The following PRKCQ variants were observed in gnomAD, a reference collection of about 807,000 sequenced individuals.
The protein encoded by PRKCQ is protein kinase C theta, also known as protein kinase C theta type.
Under a neutral mutation model 91.2 loss-of-function variants are expected in PRKCQ, and 41 were observed. That is an observed-to-expected ratio of 0.45 (90% confidence interval 0.35 to 0.58). The LOEUF is 0.58. Among genes scored for constraint, PRKCQ ranks in the 20% least tolerant of loss-of-function variants. PRKCQ has a pLI of 0.00. For synonymous variants in PRKCQ, 307 were observed against 316.9 expected (o/e 0.97, Z 0.33); for missense variants, 673 against 896.5 (o/e 0.75, Z 3.18).
intron 15 of PRKCQ, among the ~76,000 whole-genome samples, chr10:6,443,139 A>G (rs998072712): frequency 3.3e-5 from 5 of 152,168 alleles, no homozygotes; most frequent in African/African-American, 1.2e-4. Context: ...TTCTGGCAAA[A>G]AAGGCTTTGT....
chr10:6,443,107 CT>C (rs1338102443), intron 15 of PRKCQ, among the ~76,000 whole-genome samples: 1 of 152,144 alleles, frequency 6.6e-6, no homozygotes, highest in Non-Finnish European at 1.5e-5. Context: ...TGAAAGATTC[CT>C]ATCCTTTCAC....
intron 15 of PRKCQ, among the ~76,000 whole-genome samples, chr10:6,447,566 G>A (rs1834384148): frequency 6.6e-6 from 1 of 152,166 alleles, no homozygotes. Context: ...TTAGCTCTCA[G>A]GAGGTGCAGC....
At position 6,442,079 on chromosome 10, in the gene PRKCQ, G is replaced by A. The variant is rs1343007540; in HGVS notation, c.1650C>T (p.Ile550=). The A allele has an allele frequency of 1.2e-5, 20 of 1,609,658 alleles. No homozygotes were observed. Among genetic ancestry groups the A allele is most frequent in the Non-Finnish European group, 1.7e-5 (20 of 1,176,416 alleles). ...AGTGGTTGTATTTCTGACCCAGCAAGATCTGCACAACCAAAAGGCAGACAG... is the reference window on the plus strand; with the variant it reads ...AGTGGTTGTATTTCTGACCCAGCAAAATCTGCACAACCAAAAGGCAGACAG... ...CGTPDYIAPE[I]LLGQKYNHSV... The change falls in exon 16 of 18, where the codon ATC becomes ATT. Residue 550 remains isoleucine (I), a splice_region_variant and synonymous_variant. Transcript: ENST00000263125.
chr10:6,563,956 G>A (rs578167731), intron 1 of PRKCQ, among the ~76,000 whole-genome samples: 1 of 152,226 alleles, frequency 6.6e-6, no homozygotes, highest in Non-Finnish European at 1.5e-5. Flanking sequence ...GGCCTTTGCA[G>A]AGGAGGTGAG....
the PRKCQ span, among the ~76,000 whole-genome samples, chr10:6,401,322 G>A: frequency 2.6e-5 from 4 of 152,070 alleles, no homozygotes; most frequent in Non-Finnish European, 4.4e-5. Context: ...TGTGTTTTCC[G>A]GGTGACCGTT....
chr10:6,498,690 C>T, intron 4 of PRKCQ, 132 bp from the exon 5 acceptor site: 1 of 791,514 alleles, frequency 1.3e-6, no homozygotes, highest in Non-Finnish European at 2.0e-6. Context: ...TGTAACATTC[C>T]AGGTACTCAT....
intron 3 of PRKCQ, among the ~76,000 whole-genome samples, chr10:6,509,253 G>T (rs1026753621): frequency 6.6e-6 from 1 of 152,144 alleles, no homozygotes; most frequent in Non-Finnish European, 1.5e-5. Flanking sequence ...TATGCAACTT[G>T]AAGAGATACA....
the PRKCQ span, among the ~76,000 whole-genome samples, chr10:6,420,536 C>T: frequency 1.4e-4 from 22 of 152,220 alleles, no homozygotes; most frequent in South Asian, 1.7e-3. Flanking sequence ...TCCTCACTCC[C>T]GCCTTTTTTT....
chr10:6,401,903 G>A, the PRKCQ span, among the ~76,000 whole-genome samples: 2 of 152,180 alleles, frequency 1.3e-5, no homozygotes, highest in African/African-American at 4.8e-5. Flanking sequence ...ATCCTGCCTG[G>A]TCACTGAAGT....
chr10:6,428,085 C>G lies in PRKCQ; in HGVS notation c.*122G>C, dbSNP rs1426994639. 4 of 1,291,918 alleles carry G rather than the reference C, an allele frequency of 3.1e-6. No individual in the cohort carries two copies. Among genetic ancestry groups the G allele is most frequent in the Non-Finnish European group, 3.3e-6 (3 of 919,342 alleles). 80.0% of individuals were successfully genotyped at this position (1,291,918 alleles called of 1,614,324 possible). On this transcript the variant is annotated 3_prime_UTR_variant, in exon 18 of 18. Coordinates refer to ENST00000263125, the MANE Select transcript of PRKCQ (RefSeq NM_006257.5). Reference sequence around the variant, plus strand: ...AAAAGTCACATGGGGGCGAACGGGTCTCAGTCTTTATTGTTGAGTGTTTCT... The same window carrying G: ...AAAAGTCACATGGGGGCGAACGGGTGTCAGTCTTTATTGTTGAGTGTTTCT...
intron 1 of PRKCQ, among the ~76,000 whole-genome samples, chr10:6,521,901 T>C (rs535859560): frequency 3.2e-5 from 4 of 126,682 alleles, no homozygotes; most frequent in African/African-American, 1.2e-4. Flanking sequence ...TGTTATGTTA[T>C]GTGATGTTAT....
In PRKCQ at chr10:6,528,362, T is replaced by C. The variant is rs75103064; in HGVS notation, c.-9-13218A>G. 7.9e-5 allele frequency among the ~76,000 whole-genome samples: 12 copies of C among 152,236 alleles called. No homozygotes were observed. The East Asian group carries it at 2.1e-3, about 27-fold the overall frequency. On this transcript the variant is annotated intron_variant, in intron 1 of 17. Transcript: ENST00000263125. ...CAGGATCTGCTGATCTGCAGAACCA[T>C]TTCTGCACTATCCTTGGCCATGTCA... is the stretch of plus-strand genomic sequence containing the variant.
At chr10:6,401,678 C>T in the PRKCQ span, among the ~76,000 whole-genome samples, 1 of 152,170 alleles carries the variant, frequency 6.6e-6, no homozygotes, top group Non-Finnish European at 1.5e-5. Context: ...AGCTCTGATT[C>T]CCACGGGCTT....
intron 1 of PRKCQ, among the ~76,000 whole-genome samples, chr10:6,521,782 G>C (rs1839011713): frequency 6.6e-6 from 1 of 152,076 alleles, no homozygotes; most frequent in African/African-American, 2.4e-5. Context: ...ACTACCCTCT[G>C]ATGTCCTCAT....
At chr10:6,513,630 C>A (rs139078325) in intron 2 of PRKCQ, among the ~76,000 whole-genome samples, 3 of 152,306 alleles carry the variant, frequency 2.0e-5, no homozygotes, top group African/African-American at 7.2e-5. Flanking sequence ...GGCATTCACA[C>A]TTTTAACTAA....
chr10:6,478,160 A>T (rs1412638284), intron 12 of PRKCQ, among the ~76,000 whole-genome samples: 1 of 152,228 alleles, frequency 6.6e-6, no homozygotes, highest in African/African-American at 2.4e-5. Flanking sequence ...CCAAAGACGT[A>T]AGAAAATGTT....
the PRKCQ span, among the ~76,000 whole-genome samples, chr10:6,404,420 TTCTCTTTCTTTCTC>T: frequency 6.7e-6 from 1 of 149,460 alleles, no homozygotes; most frequent in Admixed American, 6.7e-5. Flanking sequence ...TCTTTCTTTT[TTCTCTTTCTTTCTC>T]TCTTTCTTTC....
At chr10:6,547,071 A>G (rs1839978595) in intron 1 of PRKCQ, among the ~76,000 whole-genome samples, 1 of 152,196 alleles carries the variant, frequency 6.6e-6, no homozygotes, top group African/African-American at 2.4e-5. Flanking sequence ...CTTGCATCCC[A>G]GGGATGAAGC....
intron 14 of PRKCQ, among the ~76,000 whole-genome samples, chr10:6,458,199 G>C (rs1835126641): frequency 1.3e-5 from 2 of 152,212 alleles, no homozygotes. Flanking sequence ...GACTCAAAAT[G>C]CTGGGATTAT....
Sources: allele counts gnomAD v4.1 joint callset (sites outside exome capture counted in the v4.1 genomes callset), GRCh38; gene constraint gnomAD v4.1.1; transcripts MANE v1.5; gene names NCBI Gene and HGNC (gene_info 2026-07-23, HGNC 2026-07-21).